The following DGKB variants were observed in gnomAD, a reference collection of about 807,000 sequenced individuals.
The protein encoded by DGKB is diacylglycerol kinase beta, also known as 90 kDa diacylglycerol kinase.
Under a neutral mutation model 114.3 loss-of-function variants are expected in DGKB, and 67 were observed. The observed-to-expected ratio is 0.59, with a 90% CI of 0.48 to 0.72. DGKB has a LOEUF of 0.72. DGKB is among the 30% of genes least tolerant of loss of function. The pLI, the probability that DGKB is intolerant of heterozygous loss-of-function variation, is 0.00. For synonymous variants in DGKB, 398 were observed against 323.1 expected, an observed-to-expected ratio of 1.23 and a Z score of -2.49; for missense variants, 907 against 975.2, an observed-to-expected ratio of 0.93 and a Z score of 0.93.
At chr7:14,379,135 C>T (rs1326168588) in intron 21 of DGKB, among the ~76,000 whole-genome samples, 1 of 151,830 alleles carries the variant, frequency 6.6e-6, no homozygotes, top group Non-Finnish European at 1.5e-5. Context: ...TCCCATTACA[C>T]TAGACTTCTT....
chr7:14,684,252 G>C (rs1821302629), intron 10 of DGKB, among the ~76,000 whole-genome samples: 1 of 152,050 alleles, frequency 6.6e-6, no homozygotes, highest in African/African-American at 2.4e-5. Context: ...TATTACCAAA[G>C]AAGCTGCTAG....
chr7:14,406,579 A>T (rs1171494010), intron 21 of DGKB, among the ~76,000 whole-genome samples: 5 of 152,044 alleles, frequency 3.3e-5, no homozygotes, highest in Non-Finnish European at 4.4e-5. Context: ...ACCATAAAAC[A>T]ATCATTGGTG....
chr7:14,356,933 T>C (rs1814663396), intron 21 of DGKB, among the ~76,000 whole-genome samples: 1 of 152,190 alleles, frequency 6.6e-6, no homozygotes, highest in Non-Finnish European at 1.5e-5. Context: ...TAATCCTGAG[T>C]TCTAATTTCA....
At chr7:14,490,640 A>G (rs557289994) in intron 20 of DGKB, among the ~76,000 whole-genome samples, 4 of 152,298 alleles carry the variant, frequency 2.6e-5, no homozygotes, top group South Asian at 2.1e-4. Context: ...AAGCTGTCCT[A>G]CTGGCTTTGA....
At chr7:14,150,424 C>T (rs1782021576) in intron 25 of DGKB, among the ~76,000 whole-genome samples, 1 of 152,042 alleles carries the variant, frequency 6.6e-6, no homozygotes, top group East Asian at 1.9e-4. Flanking sequence ...TGGACAGGAT[C>T]ATTAAAATCT....
intron 20 of DGKB, among the ~76,000 whole-genome samples, chr7:14,554,054 A>G (rs1348791657): frequency 6.6e-6 from 1 of 151,588 alleles, no homozygotes; most frequent in East Asian, 1.9e-4. Flanking sequence ...TGTATTTTTT[A>G]GTAGAGACGG....
intron 23 of DGKB, among the ~76,000 whole-genome samples, chr7:14,290,175 C>T (rs1246813654): frequency 6.6e-6 from 1 of 152,156 alleles, no homozygotes; most frequent in African/African-American, 2.4e-5. Context: ...CTGTGTGCCT[C>T]ATTCCAAGCA....
chr7:14,505,155 C>T (rs143005864), intron 20 of DGKB, among the ~76,000 whole-genome samples: 131 of 152,194 alleles, frequency 8.6e-4, no homozygotes, highest in African/African-American at 2.7e-3. Context: ...TGTCTTGTTT[C>T]AAGAATAGAC....
intron 22 of DGKB, among the ~76,000 whole-genome samples, chr7:14,340,997 T>TTA (rs1554364928): frequency 6.6e-6 from 1 of 150,638 alleles, no homozygotes; most frequent in African/African-American, 2.4e-5. Context: ...CTTTTTTTTT[T>TTA]AAAAAAAAGA....
At chr7:14,656,876 A>T (rs1394988322) in intron 13 of DGKB, among the ~76,000 whole-genome samples, 1 of 151,714 alleles carries the variant, frequency 6.6e-6, no homozygotes, top group Admixed American at 6.6e-5. Context: ...ACAATTGTCT[A>T]CAACACTTGA....
intron 9 of DGKB, among the ~76,000 whole-genome samples, chr7:14,691,967 C>T (rs1289399730): frequency 6.6e-6 from 1 of 151,788 alleles, no homozygotes; most frequent in Non-Finnish European, 1.5e-5. Context: ...AAATTATGTA[C>T]AGTTAATAGA....
chr7:14,385,776 T>A (rs923004017), intron 21 of DGKB, among the ~76,000 whole-genome samples: 11 of 152,200 alleles, frequency 7.2e-5, no homozygotes, highest in Non-Finnish European at 1.3e-4. Context: ...TATTATCACA[T>A]TAAATAATAA....
chr7:14,287,737 C>T lies in DGKB; in HGVS notation c.2122+50778G>A, dbSNP rs186255906. ...GAAGATGGAAAATAGAAAAGTATCT[C>T]TGAACACATGGGTCCTGAAATGGAG... On this transcript the variant is annotated intron_variant, in intron 23 of 25. Coordinates refer to ENST00000402815, the MANE Select transcript of DGKB (RefSeq NM_001350709.2). 5.9e-5 allele frequency among the ~76,000 whole-genome samples: 9 copies of T among 152,212 alleles called. No homozygotes were observed. The East Asian group carries it at 1.5e-3, about 26-fold the overall frequency.
intron 17 of DGKB, among the ~76,000 whole-genome samples, chr7:14,592,626 T>C (rs1035259840): frequency 1.2e-4 from 18 of 151,938 alleles, no homozygotes; most frequent in Non-Finnish European, 5.9e-5. Flanking sequence ...ACTGTATCTG[T>C]ACATACCTTG....
At chr7:14,213,098 T>C (rs1473459302) in intron 23 of DGKB, among the ~76,000 whole-genome samples, 2 of 152,148 alleles carry the variant, frequency 1.3e-5, no homozygotes, top group African/African-American at 4.8e-5. Context: ...CAGTTTTGTA[T>C]ATCAATTTTT....
At chr7:14,449,315 TTC>T (rs1382242619) in intron 21 of DGKB, among the ~76,000 whole-genome samples, 6 of 152,004 alleles carry the variant, frequency 3.9e-5, no homozygotes, top group Non-Finnish European at 7.4e-5. Context: ...GGTGTTAACT[TTC>T]TGTTTGTGTA....
chr7:14,652,856 C>A (rs1481939163), intron 13 of DGKB, among the ~76,000 whole-genome samples: 1 of 152,158 alleles, frequency 6.6e-6, no homozygotes. Flanking sequence ...TATGAACAGA[C>A]ACTTCTCAAA....
chr7:14,671,994 C>A (rs755935384), intron 13 of DGKB, among the ~76,000 whole-genome samples: 2 of 151,876 alleles, frequency 1.3e-5, no homozygotes, highest in African/African-American at 2.4e-5. Context: ...GAGGTATTTT[C>A]TTTTCCTCTA....
chr7:14,803,852 C>T (rs186201816), intron 2 of DGKB, among the ~76,000 whole-genome samples: 21 of 152,104 alleles, frequency 1.4e-4, no homozygotes, highest in Admixed American at 1.1e-3. Context: ...TAATTTTCAA[C>T]GAAGTCTAAC....
Sources: allele counts gnomAD v4.1 joint callset (sites outside exome capture counted in the v4.1 genomes callset), GRCh38; gene constraint gnomAD v4.1.1; transcripts MANE v1.5; gene names NCBI Gene and HGNC (gene_info 2026-07-23, HGNC 2026-07-21).